PRDM10: variants seen among roughly 807,000 people sequenced by gnomAD.
The protein encoded by PRDM10 is PR domain zinc finger protein 10.
PRDM10 carries 65 observed loss-of-function variants against 133.1 expected under a neutral mutation model. The observed-to-expected ratio is 0.49, with a 90% CI of 0.40 to 0.60. The LOEUF (loss-of-function observed/expected upper bound fraction) is 0.60. PRDM10 is among the 20% of genes least tolerant of loss of function. The pLI is 0.00. For synonymous variants in PRDM10, 582 were observed against 580.4 expected (o/e 1.00, Z -0.04); for missense variants, 1,137 against 1,507.1 (o/e 0.75, Z 4.07).
chr11:129,992,446 A>G (rs1201455274), intron 1 of PRDM10, among the ~76,000 whole-genome samples: 1 of 152,232 alleles, frequency 6.6e-6, no homozygotes, highest in African/African-American at 2.4e-5. Context: ...TTAAGCCCAG[A>G]TTCCTTTTAC....
chr11:129,988,521 C>T (rs867732859), intron 1 of PRDM10, among the ~76,000 whole-genome samples: 17 of 150,604 alleles, frequency 1.1e-4, no homozygotes, highest in African/African-American at 3.2e-4. Flanking sequence ...CATAAATCAC[C>T]GCACTTGGCT....
At chr11:129,979,756 G>A (rs532347055) in intron 1 of PRDM10, among the ~76,000 whole-genome samples, 1 of 151,762 alleles carries the variant, frequency 6.6e-6, no homozygotes, top group East Asian at 1.9e-4. Flanking sequence ...CTAACTGCAC[G>A]TCCCCATCCC....
rs1263086159 is a variant in PRDM10, at chr11:129,961,015, G to A, written c.-51C>T. On this transcript the variant is annotated 5_prime_UTR_variant, in exon 2 of 21. Transcript: ENST00000360871. ...TCTGGCACACCTAGAGCAGCACAGG[G>A]TACAGGACAGTCATCTGTCTACCAC... 1.3e-6 allele frequency: 2 copies of A among 1,545,122 alleles called. No homozygotes were observed. The highest frequency in any genetic ancestry group is 1.1e-5 in the South Asian group (1 of 89,518).
At chr11:129,944,322 C>G (rs977181941) in intron 6 of PRDM10, among the ~76,000 whole-genome samples, 1 of 152,074 alleles carries the variant, frequency 6.6e-6, no homozygotes, top group African/African-American at 2.4e-5. Context: ...CGGCCGGGCG[C>G]GGTGGCTCAC....
chr11:129,973,582 A>T lies in PRDM10; in HGVS notation c.-118-12500T>A, dbSNP rs149624580. On this transcript the variant is annotated intron_variant, in intron 1 of 20. Coordinates refer to ENST00000360871, the MANE Select transcript of PRDM10 (RefSeq NM_199437.2). ...TATTTACTCATAATTAAATTGAAAT[A>T]AATTACGCTGAAATAAAATAAAAAT... 2.5e-3 allele frequency among the ~76,000 whole-genome samples: 378 copies of T among 152,380 alleles called. 4 individuals are homozygous for T. The highest frequency in any genetic ancestry group is 8.6e-3 in the African/African-American group (356 of 41,594).
chr11:129,997,902 C>T (rs1323501263), intron 1 of PRDM10, among the ~76,000 whole-genome samples: 1 of 152,170 alleles, frequency 6.6e-6, no homozygotes, highest in Non-Finnish European at 1.5e-5. Context: ...AAAAAACAGA[C>T]ATCTACATAT....
intron 20 of PRDM10, 90 bp downstream of exon 20, chr11:129,905,548 A>G (rs1949987909): frequency 2.0e-6 from 2 of 981,918 alleles, no homozygotes; most frequent in South Asian, 2.7e-5. Flanking sequence ...AAACAGAGTA[A>G]GCCAATCATT....
intron 8 of PRDM10, among the ~76,000 whole-genome samples, chr11:129,935,832 T>C (rs571110114): frequency 6.6e-6 from 1 of 152,380 alleles, no homozygotes; most frequent in African/African-American, 2.4e-5. Flanking sequence ...TCCTGGTCTT[T>C]GTCCCTAGTT....
chr11:129,989,291 A>G (rs1938602735), intron 1 of PRDM10, among the ~76,000 whole-genome samples: 1 of 152,068 alleles, frequency 6.6e-6, no homozygotes, highest in Admixed American at 6.6e-5. Flanking sequence ...GGCCAACAGC[A>G]AGACCCTGCC....
At chr11:129,965,740 A>C (rs926632208) in intron 1 of PRDM10, among the ~76,000 whole-genome samples, 4 of 141,814 alleles carry the variant, frequency 2.8e-5, no homozygotes, top group Non-Finnish European at 6.0e-5. Flanking sequence ...ATGTTTATCA[A>C]AAAAAAAAAT....
chr11:129,948,313 CAATA>C (rs1951486197), intron 4 of PRDM10, among the ~76,000 whole-genome samples: 1 of 152,194 alleles, frequency 6.6e-6, no homozygotes, highest in South Asian at 2.1e-4. Flanking sequence ...ATGTCCTATT[CAATA>C]AATAAAGCAA....
intron 1 of PRDM10, among the ~76,000 whole-genome samples, chr11:129,987,508 A>G (rs1301569738): frequency 1.3e-5 from 2 of 152,248 alleles, no homozygotes; most frequent in Non-Finnish European, 2.9e-5. Context: ...TAGACACACC[A>G]AATGACTGAG....
chr11:129,904,366 G>A (rs1316507754), intron 20 of PRDM10, among the ~76,000 whole-genome samples: 1 of 151,908 alleles, frequency 6.6e-6, no homozygotes, highest in African/African-American at 2.4e-5. Flanking sequence ...ATCAACTCAT[G>A]CACTTACCAT....
At chr11:129,915,918 A>T in intron 15 of PRDM10, 58 bp from the exon 16 acceptor site, 1 of 1,485,414 alleles carries the variant, frequency 6.7e-7, no homozygotes. Context: ...TCTTGCTTAA[A>T]GCAAACTAAC....
chr11:129,994,401 G>C (rs1306107581), intron 1 of PRDM10, among the ~76,000 whole-genome samples: 1 of 151,070 alleles, frequency 6.6e-6, no homozygotes. Flanking sequence ...AGAAGGCAGA[G>C]GTTGCAGTGA....
At chr11:130,000,106 C>G (rs1439662369) in intron 1 of PRDM10, among the ~76,000 whole-genome samples, 4 of 150,636 alleles carry the variant, frequency 2.7e-5, no homozygotes, top group Non-Finnish European at 5.9e-5. Flanking sequence ...TGCAATGGCC[C>G]GATCTCAGCT....
At chr11:129,962,940 G>A (rs1951824590) in intron 1 of PRDM10, among the ~76,000 whole-genome samples, 1 of 152,068 alleles carries the variant, frequency 6.6e-6, no homozygotes, top group African/African-American at 2.4e-5. Context: ...CTTGAGGCCA[G>A]GAGTGCAAGA....
chr11:129,935,317 C>T, intron 8 of PRDM10, 99 bp from the exon 9 acceptor site: 1 of 862,028 alleles, frequency 1.2e-6, no homozygotes, highest in South Asian at 1.4e-5. Flanking sequence ...TGCTGCAGCC[C>T]AAAGAGTTCA....
At position 129,951,358 on chromosome 11, in the gene PRDM10, G is replaced by A. The variant is rs111396427; in HGVS notation, c.295-3988C>T. Among the ~76,000 whole-genome samples, 549 of 152,226 alleles carry A rather than the reference G, an allele frequency of 3.6e-3. 3 individuals are homozygous for A. Among genetic ancestry groups the A allele is most frequent in the African/African-American group, 0.013 (522 of 41,548 alleles). The stretch of plus-strand genomic sequence containing the variant: ...TCTATTCAAGGAGGGCAGCAGAAGC[G>A]GTAAACGTCACCCACGCTTTGAATA... On this transcript the variant is annotated intron_variant, in intron 4 of 20. Coordinates refer to ENST00000360871, the MANE Select transcript of PRDM10 (RefSeq NM_199437.2).
Sources: gnomAD v4.1 joint callset for allele counts (sites outside exome capture counted in the v4.1 genomes callset) on GRCh38, gnomAD v4.1.1 for gene constraint, MANE v1.5 for transcripts, NCBI Gene and HGNC (gene_info 2026-07-23, HGNC 2026-07-21) for gene names.